DNAI1: variants seen among roughly 807,000 people sequenced by gnomAD.
DNAI1 encodes dynein axonemal intermediate chain 1, also known as dynein, axonemal, intermediate polypeptide 1.
Under a neutral mutation model 92.0 loss-of-function variants are expected in DNAI1, and 67 were observed. The ratio of observed to expected loss-of-function variants is 0.73; its 90% CI spans 0.60 to 0.89. DNAI1 has a LOEUF of 0.89. Ranked by LOEUF, DNAI1 falls within the 40% of genes least tolerant of loss-of-function variation. DNAI1 has a pLI of 0.00. For missense variants in DNAI1, 839 were observed against 866.6 expected, an observed-to-expected ratio of 0.97 and a Z score of 0.40; for synonymous variants, 323 against 319.6, an observed-to-expected ratio of 1.01 and a Z score of -0.11.
intron 8 of DNAI1, 62 bp from the exon 9 acceptor site, chr9:34,493,132 A>G (rs1824641592): frequency 1.9e-6 from 3 of 1,612,744 alleles, no homozygotes; most frequent in Non-Finnish European, 1.7e-6. Context: ...TGAAGGCTGA[A>G]AAGAGCTGTC....
Position 34,493,299 on chromosome 9 carries a change from A to C in DNAI1, c.787A>C (p.Met263Leu), listed in dbSNP as rs750194621. The part of the protein sequence containing the change: ...PVAKKSGKMA[M>L]RKLTSMESQT... Reference sequence around the variant, plus strand: ...GGCTAAAAAATCAGGGAAGATGGCCATGAGGAAGCTGACATCTATGGAGTC... The same window carrying C: ...GGCTAAAAAATCAGGGAAGATGGCCCTGAGGAAGCTGACATCTATGGAGTC... The change falls in exon 9 of 20, where the codon ATG becomes CTG. Residue 263 changes from methionine (M) to leucine (L), a missense_variant. Coordinates refer to ENST00000242317, the MANE Select transcript of DNAI1 (RefSeq NM_012144.4). 1 of 1,614,152 alleles carries C rather than the reference A, an allele frequency of 6.2e-7. No individual in the cohort carries two copies. Among genetic ancestry groups the C allele is most frequent in the Admixed American group, 1.7e-5 (1 of 60,028 alleles).
intron 1 of DNAI1, among the ~76,000 whole-genome samples, chr9:34,480,763 G>A (rs1278128241): frequency 6.6e-6 from 1 of 151,912 alleles, no homozygotes; most frequent in Non-Finnish European, 1.5e-5. Flanking sequence ...GGCCAACATG[G>A]TGAAACCCTG....
rs1437356198 is a variant in DNAI1 at position 34,458,985 on chromosome 9, G to T, written c.-21G>T. ...TTGTCTTCAGACGAGGGAGCGTTTT[G>T]TAGGCTCTCCAGGGGTTGAGATGAT... On this transcript the variant is annotated 5_prime_UTR_variant, in exon 1 of 20. Coordinates refer to ENST00000242317, the MANE Select transcript of DNAI1 (RefSeq NM_012144.4). This position sits in a 1 kb window ranked among gnomAD's most constrained non-coding sequence, Gnocchi z 6.6. The T allele has an allele frequency of 6.2e-7, 1 of 1,613,816 alleles. No individual in the cohort carries two copies. The highest frequency in any genetic ancestry group is 8.5e-7 in the Non-Finnish European group (1 of 1,179,692).
At chr9:34,474,615 C>G (rs1405804738) in intron 1 of DNAI1, among the ~76,000 whole-genome samples, 1 of 137,342 alleles carries the variant, frequency 7.3e-6, no homozygotes, top group Admixed American at 8.3e-5. Flanking sequence ...GTCACCCAGG[C>G]TGGAGTACAG....
At chr9:34,509,693 A>G (rs776280439) in intron 13 of DNAI1, among the ~76,000 whole-genome samples, 3 of 152,152 alleles carry the variant, frequency 2.0e-5, no homozygotes, top group Non-Finnish European at 4.4e-5. Flanking sequence ...CAGTGGAGAC[A>G]GAAATGAGAA....
Position 34,483,453 on chromosome 9 carries a change from C to G in DNAI1, c.54C>G (p.Ile18Met), listed in dbSNP as rs1159341227. ...GTTTTCTGTTCTTCATTTAGAGCAT[C>G]AGCATAGGCAGAGGAACCAGGAAGA... ...APHKQPHKQS[I>M]SIGRGTRKRD... Residue 18 changes from isoleucine (I) to methionine (M), a missense_variant, in exon 2 of 20, where the codon ATC becomes ATG. Transcript: ENST00000242317. The G allele has an allele frequency of 3.1e-6, 5 of 1,612,110 alleles. No individual in the cohort carries two copies. In the South Asian group the frequency reaches 5.5e-5, roughly 18 times the overall value.
chr9:34,472,955 A>T (rs1824169386), intron 1 of DNAI1, among the ~76,000 whole-genome samples: 1 of 151,980 alleles, frequency 6.6e-6, no homozygotes, highest in South Asian at 2.1e-4. Flanking sequence ...CCCCTTCCCC[A>T]CAATTCTGTA....
chr9:34,515,132 G>A (rs1361043840), intron 18 of DNAI1, among the ~76,000 whole-genome samples: 1 of 152,224 alleles, frequency 6.6e-6, no homozygotes, highest in East Asian at 1.9e-4. Context: ...ATCCCCGGGA[G>A]TGTGCAAGCT....
chr9:34,489,932 C>A, intron 5 of DNAI1, 80 bp from the exon 6 acceptor site: 1 of 1,573,370 alleles, frequency 6.4e-7, no homozygotes, highest in Non-Finnish European at 8.6e-7. Flanking sequence ...AAACCCCAGG[C>A]AGAAACCAAG....
At chr9:34,507,847 G>A (rs977196581) in intron 13 of DNAI1, among the ~76,000 whole-genome samples, 6 of 152,212 alleles carry the variant, frequency 3.9e-5, no homozygotes, top group African/African-American at 1.4e-4. Context: ...CATACCTAGA[G>A]TGGTGGGTGG....
At chr9:34,492,837 C>A (rs1384216517) in intron 8 of DNAI1, among the ~76,000 whole-genome samples, 1 of 151,742 alleles carries the variant, frequency 6.6e-6, no homozygotes, top group Non-Finnish European at 1.5e-5. Flanking sequence ...TTTAAATGTT[C>A]TAGTTCAGAG....
At chr9:34,465,397 G>A (rs1008635491) in intron 1 of DNAI1, among the ~76,000 whole-genome samples, 5 of 152,192 alleles carry the variant, frequency 3.3e-5, no homozygotes, top group Non-Finnish European at 7.4e-5. Flanking sequence ...ATAATTTTGA[G>A]GTTTAGCAGC....
At chr9:34,506,897 G>T (rs1256283301) in intron 13 of DNAI1, 23 bp downstream of exon 13, 4 of 1,610,524 alleles carry the variant, frequency 2.5e-6, no homozygotes, top group Non-Finnish European at 3.4e-6. Flanking sequence ...GCTGGGAGGG[G>T]TGGGGATGGG....
At chr9:34,500,231 G>A (rs1371685694) in intron 10 of DNAI1, among the ~76,000 whole-genome samples, 2 of 152,166 alleles carry the variant, frequency 1.3e-5, no homozygotes, top group East Asian at 3.8e-4. Context: ...GAGAACCCAT[G>A]GGGGATCTAG....
Position 34,485,232 on chromosome 9 carries a change from A to T in DNAI1, c.172A>T (p.Thr58Ser). Residue 58 changes from threonine (T) to serine (S), a missense_variant, in exon 3 of 20, where the codon ACC becomes TCC. Transcript: ENST00000242317. ...TVRPPDQLELTDAELKEEFTR... is the reference protein window; with the variant it reads ...TVRPPDQLELSDAELKEEFTR... Reference sequence around the variant, plus strand: ...TAGACCCCCTGACCAGCTGGAGTTGACCGATGCGGTGAGTGAGTAGCCTCT... The same window carrying T: ...TAGACCCCCTGACCAGCTGGAGTTGTCCGATGCGGTGAGTGAGTAGCCTCT... 6.2e-7 allele frequency: 1 copy of T among 1,614,166 alleles called. No individual in the cohort carries two copies. The highest frequency in any genetic ancestry group is 8.5e-7 in the Non-Finnish European group (1 of 1,180,038).
chr9:34,459,754 A>C (rs923908585), intron 1 of DNAI1, among the ~76,000 whole-genome samples: 1 of 152,324 alleles, frequency 6.6e-6, no homozygotes, highest in East Asian at 1.9e-4. Flanking sequence ...CCTCAAAGGC[A>C]TTCTTTATCC....
chr9:34,506,131 C>G (rs959871503), intron 12 of DNAI1, among the ~76,000 whole-genome samples: 1 of 152,138 alleles, frequency 6.6e-6, no homozygotes, highest in Non-Finnish European at 1.5e-5. Flanking sequence ...GAACCTGGGA[C>G]TGTGGGGATA....
At chr9:34,471,447 CA>C (rs72230032) in intron 1 of DNAI1, among the ~76,000 whole-genome samples, 5,072 of 83,912 alleles carry the variant, frequency 0.06, 173 homozygotes, top group East Asian at 0.2. Flanking sequence ...ACCACCACCA[CA>C]AAAAAAAAAA....
In DNAI1 at chr9:34,517,259, G is replaced by T. The variant is rs749984838; in HGVS notation, c.1819-26G>T. 2.5e-6 allele frequency: 4 copies of T among 1,610,190 alleles called. No homozygotes were observed. In the East Asian group the frequency reaches 8.9e-5, roughly 36 times the overall value. Reference sequence around the variant, plus strand: ...GGAAGACAGGCCTCATTACCCCTGAGTGTGCTGACACCGACCTCTCCACAG... The same window carrying T: ...GGAAGACAGGCCTCATTACCCCTGATTGTGCTGACACCGACCTCTCCACAG... On this transcript the variant is annotated intron_variant, in intron 18 of 19. Transcript: ENST00000242317.
Sources: allele counts gnomAD v4.1 joint callset (sites outside exome capture counted in the v4.1 genomes callset), GRCh38; gene constraint gnomAD v4.1.1; non-coding constraint Gnocchi (gnomAD v3.1); transcripts MANE v1.5; gene names NCBI Gene and HGNC (gene_info 2026-07-23, HGNC 2026-07-21).